The following ERICH6 variants were observed in gnomAD, a reference collection of about 807,000 sequenced individuals.
ERICH6 encodes glutamate rich 6, also known as glutamate-rich protein 6.
Under a neutral mutation model 71.0 loss-of-function variants are expected in ERICH6, and 71 were observed. That is an observed-to-expected ratio of 1.00 (90% confidence interval 0.83 to 1.22). The LOEUF (loss-of-function observed/expected upper bound fraction) is 1.22. Ranked by LOEUF, ERICH6 falls within the 50% of genes most tolerant of loss-of-function variation. The probability of loss-of-function intolerance (pLI) is 0.00; values close to 1 mark genes in which losing one functional copy is unlikely to be tolerated. For missense variants in ERICH6, 808 were observed against 797.2 expected, an observed-to-expected ratio of 1.01 and a Z score of -0.16; for synonymous variants, 262 against 278.4, an observed-to-expected ratio of 0.94 and a Z score of 0.59.
chr3:150,679,035 CAAAAA>C (rs1160094551), intron 9 of ERICH6, among the ~76,000 whole-genome samples: 4 of 65,224 alleles, frequency 6.1e-5, no homozygotes, highest in Admixed American at 1.8e-4. Context: ...GACTCTGTCT[CAAAAA>C]AAAAAAAAAA....
rs761879495 is a variant in ERICH6 at position 150,703,837 on chromosome 3, G to A, written c.62C>T (p.Ser21Leu). Residue 21 changes from serine (S) to leucine (L), a missense_variant, in exon 1 of 14, where the codon TCA (serine) becomes TTA (leucine). By Grantham distance (145) the Ser-to-Leu change is moderately radical. This residue lies in a region of ERICH6 where 53 missense variants were observed against 40.6 expected (regional missense o/e 1.30). Transcript: ENST00000295910. ...CTCCTCCTCCTCTAACTCCTCCTCT[G>A]ACTCCTTCTGGTCCTTCTTCCCCGG... ...GDPGKKDQKESEEELEEEEEE... is the reference protein window; with the variant it reads ...GDPGKKDQKELEEELEEEEEE... 3 of 1,517,090 alleles carry A rather than the reference G, an allele frequency of 2.0e-6. No homozygotes were observed. Among genetic ancestry groups the A allele is most frequent in the South Asian group, 1.2e-5 (1 of 86,786 alleles). 94.0% of individuals were successfully genotyped at this position (1,517,090 alleles called of 1,614,324 possible).
At chr3:150,702,231 A>G (rs1278703113) in intron 1 of ERICH6, 53 bp from the exon 2 acceptor site, 4 of 1,053,868 alleles carry the variant, frequency 3.8e-6, no homozygotes, top group East Asian at 2.6e-5. Context: ...CAAAAGGTCA[A>G]TTCTACCCCC....
chr3:150,698,913 A>G (rs932246296), intron 2 of ERICH6, 31 bp from the exon 3 acceptor site: 2 of 1,449,294 alleles, frequency 1.4e-6, no homozygotes, highest in Non-Finnish European at 1.9e-6. Context: ...TTTTGAGTAT[A>G]CCTATATAGT....
intron 3 of ERICH6, among the ~76,000 whole-genome samples, chr3:150,687,830 G>A: frequency 6.6e-6 from 1 of 152,144 alleles, no homozygotes; most frequent in East Asian, 1.9e-4. Flanking sequence ...TTCAGAAGTT[G>A]ATTTGGGCTG....
At chr3:150,695,599 C>T (rs1014604521) in intron 3 of ERICH6, among the ~76,000 whole-genome samples, 11 of 151,950 alleles carry the variant, frequency 7.2e-5, no homozygotes, top group Non-Finnish European at 1.2e-4. Context: ...ACCTGGGAGG[C>T]GGAGGTTACA....
At chr3:150,696,785 A>G (rs2108076877) in intron 3 of ERICH6, among the ~76,000 whole-genome samples, 1 of 152,282 alleles carries the variant, frequency 6.6e-6, no homozygotes, top group East Asian at 1.9e-4. Flanking sequence ...ACAATATCAA[A>G]TATAGGAAAG....
At position 150,703,784 on chromosome 3, in the gene ERICH6, C is replaced by CCTCCTCCTCCTCCACCTCTTT. The variant is rs748997237; in HGVS notation, c.114_115insAAAGAGGTGGAGGAGGAGGAG (p.Glu38_Glu39insLysGluValGluGluGluGlu). The CCTCCTCCTCCTCCACCTCTTT allele has an allele frequency of 6.3e-7, 1 of 1,591,310 alleles. No individual in the cohort carries two copies. The highest frequency in any genetic ancestry group is 2.3e-5 in the East Asian group (1 of 44,072). On this transcript the variant is annotated inframe_insertion, in exon 1 of 14. Coordinates refer to ENST00000295910, the MANE Select transcript of ERICH6 (RefSeq NM_152394.5). ...TCTTCCTCCTCCTCCTCCACCTCTT[C>CCTCCTCCTCCTCCACCTCTTT]CTCCTCCTCCTCCACCTCTTCCTCC...
intron 10 of ERICH6, among the ~76,000 whole-genome samples, chr3:150,676,104 T>C (rs765355651): frequency 2.6e-5 from 4 of 152,076 alleles, no homozygotes; most frequent in Admixed American, 1.3e-4. Flanking sequence ...TTTTGTTCCA[T>C]ACACTCTCTC....
Position 150,673,988 on chromosome 3 carries a change from C to G in ERICH6, c.1311G>C (p.Leu437=). 2 of 1,614,088 alleles carry G rather than the reference C, an allele frequency of 1.2e-6. No homozygotes were observed. Among genetic ancestry groups the G allele is most frequent in the East Asian group, 4.5e-5 (2 of 44,878 alleles). The change falls in exon 11 of 14, where the codon CTG becomes CTC. Residue 437 remains leucine (L), a synonymous_variant. Transcript: ENST00000295910. ...EKHYKHGSKF[L]TSFPDGTTQI... Reference sequence around the variant, plus strand: ...GTGTTGTCCCATCTGGAAATGAAGTCAGAAACTTGCTCCCATGTTTGTAGT... The same window carrying G: ...GTGTTGTCCCATCTGGAAATGAAGTGAGAAACTTGCTCCCATGTTTGTAGT...
chr3:150,693,834 T>C (rs1559920148), intron 3 of ERICH6, among the ~76,000 whole-genome samples: 1 of 152,208 alleles, frequency 6.6e-6, no homozygotes, highest in Non-Finnish European at 1.5e-5. Context: ...ATTCTAATTT[T>C]TCTTGGTTAC....
chr3:150,682,288 C>T lies in ERICH6; in HGVS notation c.812G>A (p.Cys271Tyr). ...TCTTAGATCGCTGCCACAAAATTCACATTTGGGTGATGTCTCCTCCTCTTC... is the reference window on the plus strand; with the variant it reads ...TCTTAGATCGCTGCCACAAAATTCATATTTGGGTGATGTCTCCTCCTCTTC... The part of the protein sequence containing the change: ...KDEEEETSPK[C>Y]EFCGSDLRAF... Residue 271 changes from cysteine (C) to tyrosine (Y), a missense_variant, in exon 7 of 14, where the codon TGT (cysteine) becomes TAT (tyrosine). Coordinates refer to ENST00000295910, the MANE Select transcript of ERICH6 (RefSeq NM_152394.5). 1.2e-6 allele frequency: 2 copies of T among 1,613,588 alleles called. No homozygotes were observed. The highest frequency in any genetic ancestry group is 4.5e-5 in the East Asian group (2 of 44,888).
intron 6 of ERICH6, among the ~76,000 whole-genome samples, chr3:150,683,269 T>C (rs1009375144): frequency 2.0e-5 from 3 of 152,216 alleles, no homozygotes; most frequent in Non-Finnish European, 4.4e-5. Context: ...AGCAGAATGC[T>C]TGGAGAGTGA....
intron 13 of ERICH6, among the ~76,000 whole-genome samples, chr3:150,664,799 TG>T (rs1727348095): frequency 2.8e-5 from 4 of 144,766 alleles, no homozygotes; most frequent in African/African-American, 1.1e-4. Flanking sequence ...TCTTTATTTC[TG>T]TATTGTTTGA....
Position 150,686,081 on chromosome 3 carries a change from T to G in ERICH6, c.611-60A>C, listed in dbSNP as rs915954337. On this transcript the variant is annotated intron_variant, in intron 4 of 13. Coordinates refer to ENST00000295910, the MANE Select transcript of ERICH6 (RefSeq NM_152394.5). ...AAAGCCTTTGTGCAGTGCATTCCACTTCTGTAATTTGGAGATTCACACCCA... is the reference window on the plus strand; with the variant it reads ...AAAGCCTTTGTGCAGTGCATTCCACGTCTGTAATTTGGAGATTCACACCCA... 2.9e-6 allele frequency: 4 copies of G among 1,395,692 alleles called. No individual in the cohort carries two copies. In the African/African-American group the frequency reaches 5.7e-5, roughly 20 times the overall value. 86.5% of individuals were successfully genotyped at this position (1,395,692 alleles called of 1,614,324 possible).
In ERICH6 at chr3:150,699,312, A is replaced by AAAAC. The variant is rs1055327980; in HGVS notation, c.462-434_462-431dup. On this transcript the variant is annotated intron_variant, in intron 2 of 13. Transcript: ENST00000295910. ...GGAGACAGAGCAAGGCTCTATCTCA[A>AAAAC]AAACAAACAAACAAACAAATAAACC... 3.9e-5 allele frequency among the ~76,000 whole-genome samples: 6 copies of AAAAC among 152,304 alleles called. No homozygotes were observed. The South Asian group carries it at 1.0e-3, about 26-fold the overall frequency.
intron 13 of ERICH6, among the ~76,000 whole-genome samples, chr3:150,663,553 C>G (rs952164073): frequency 6.6e-6 from 1 of 152,048 alleles, no homozygotes; most frequent in Non-Finnish European, 1.5e-5. Context: ...CCCCTGCCCC[C>G]ACCCCGCCAA....
intron 2 of ERICH6, among the ~76,000 whole-genome samples, chr3:150,699,183 T>C (rs73004853): frequency 2.0e-5 from 3 of 152,204 alleles, no homozygotes; most frequent in African/African-American, 7.2e-5. Context: ...TTCTGTTCCA[T>C]GCCTGTAGCC....
chr3:150,665,313 A>G (rs963698194), intron 13 of ERICH6, among the ~76,000 whole-genome samples: 1 of 152,046 alleles, frequency 6.6e-6, no homozygotes, highest in Non-Finnish European at 1.5e-5. Flanking sequence ...CACATACTTA[A>G]AAGTTGAAGG....
At chr3:150,695,561 G>A (rs1056040593) in intron 3 of ERICH6, among the ~76,000 whole-genome samples, 18 of 151,834 alleles carry the variant, frequency 1.2e-4, no homozygotes, top group African/African-American at 1.7e-4. Context: ...CCAGCTACTC[G>A]GGAAGCTGAG....
Sources: allele counts gnomAD v4.1 joint callset (sites outside exome capture counted in the v4.1 genomes callset), GRCh38; gene constraint gnomAD v4.1.1; regional missense constraint gnomAD v4.1.1; transcripts MANE v1.5; gene names NCBI Gene and HGNC (gene_info 2026-07-23, HGNC 2026-07-21).